Variants in TAF10 observed in about 807,000 individuals in gnomAD.
TAF10 encodes the protein transcription initiation factor TFIID subunit 10.
TAF10 carries 2 observed loss-of-function variants against 18.1 expected under a neutral mutation model. The ratio of observed to expected loss-of-function variants is 0.11; its 90% confidence interval spans 0.05 to 0.35. The LOEUF (loss-of-function observed/expected upper bound fraction) is 0.35. TAF10 is among the 10% of genes least tolerant of loss of function. The pLI, the probability that TAF10 is intolerant of heterozygous loss-of-function variation, is 1.00. For missense variants in TAF10, 293 were observed against 306.9 expected, an observed-to-expected ratio of 0.95 and a Z score of 0.34; for synonymous variants, 158 against 134.6, an observed-to-expected ratio of 1.17 and a Z score of -1.20.
At position 6,608,931 on chromosome 11, in the gene TAF10, G is replaced by A; in HGVS notation, c.*1991C>T. ...GAATCTCAACCGTATTCCATACAAG[G>A]ACACATTCTGGAAGGGGACCACCCG... On this transcript the variant is annotated 3_prime_UTR_variant, in exon 5 of 5. Coordinates refer to ENST00000299424, the MANE Select transcript of TAF10 (RefSeq NM_006284.4). This position sits in a 1 kb window ranked among gnomAD's most constrained non-coding sequence, Gnocchi z 4.9. 1.2e-6 allele frequency: 2 copies of A among 1,614,222 alleles called. No homozygotes were observed. Among genetic ancestry groups the A allele is most frequent in the South Asian group, 1.1e-5 (1 of 91,086 alleles).
At position 6,608,163 on chromosome 11, in the gene TAF10, C is replaced by G. The variant is rs751471922; in HGVS notation, c.*2759G>C. 3 of 1,614,114 alleles carry G rather than the reference C, an allele frequency of 1.9e-6. No individual in the cohort carries two copies. Among genetic ancestry groups the G allele is most frequent in the Admixed American group, 1.7e-5 (1 of 60,024 alleles). The stretch of plus-strand genomic sequence containing the variant: ...ATGTAATGAACCGTGGGGATGACAC[C>G]CCCCTGCATCTGGCAGCCAGTCATG... On this transcript the variant is annotated 3_prime_UTR_variant, in exon 5 of 5. Coordinates refer to ENST00000299424, the MANE Select transcript of TAF10 (RefSeq NM_006284.4). The surrounding 1 kb of genome is among the most constrained non-coding windows in gnomAD (Gnocchi z 4.9).
Position 6,611,702 on chromosome 11 carries a change from C to T in TAF10, c.349G>A (p.Val117Met). The change falls in exon 2 of 5, where the codon GTG becomes ATG. Residue 117 changes from valine (V) to methionine (M), a missense_variant. Transcript: ENST00000299424. ...VKPVVSSTPL[V>M]DFLMQLEDYT... is the part of the protein sequence containing the mutation. ...TCTTCCAGCTGCATCAAGAAGTCCA[C>T]CAAAGGCGTGCTGGACACCACGGGC... The T allele has an allele frequency of 1.9e-6, 3 of 1,608,136 alleles. No individual in the cohort carries two copies. Among genetic ancestry groups the T allele is most frequent in the South Asian group, 2.2e-5 (2 of 90,446 alleles).
rs1027645432 is a variant in TAF10 at position 6,607,962 on chromosome 11, A to C, written c.*2960T>G. 2.9e-6 allele frequency: 4 copies of C among 1,386,782 alleles called. No homozygotes were observed. In the African/African-American group the frequency reaches 5.7e-5, roughly 20 times the overall value. 85.9% of individuals were successfully genotyped at this position (1,386,782 alleles called of 1,614,324 possible). A position where few individuals can be genotyped will look rare whatever the true frequency, so the allele number is the denominator to read the frequency against. On this transcript the variant is annotated 3_prime_UTR_variant, in exon 5 of 5. Coordinates refer to ENST00000299424, the MANE Select transcript of TAF10 (RefSeq NM_006284.4). Reference sequence around the variant, plus strand: ...CCTAGAGAGGTAAGCCTTCCCAGAGAGTATGTAATTATCAGTTTTTCAGGA... The same window carrying C: ...CCTAGAGAGGTAAGCCTTCCCAGAGCGTATGTAATTATCAGTTTTTCAGGA...
In TAF10 at chr11:6,609,192, C is replaced by A. The variant is rs1275052976; in HGVS notation, c.*1730G>T. The A allele has an allele frequency of 1.3e-6, 2 of 1,599,302 alleles. No homozygotes were observed. The highest frequency in any genetic ancestry group is 1.7e-6 in the Non-Finnish European group (2 of 1,166,586). On this transcript the variant is annotated 3_prime_UTR_variant, in exon 5 of 5. Transcript: ENST00000299424. ...CCCTTCTTGCCCTTCCCTCACTAAA[C>A]CCCCATAAATTACTTGCTTTGTACC...
Position 6,609,278 on chromosome 11 carries a change from T to C in TAF10, c.*1644A>G. The C allele has an allele frequency of 6.2e-7, 1 of 1,612,142 alleles. No individual in the cohort carries two copies. Among genetic ancestry groups the C allele is most frequent in the Non-Finnish European group, 8.5e-7 (1 of 1,178,214 alleles). On this transcript the variant is annotated 3_prime_UTR_variant, in exon 5 of 5. Coordinates refer to ENST00000299424, the MANE Select transcript of TAF10 (RefSeq NM_006284.4). The stretch of plus-strand genomic sequence containing the variant: ...AGTGGCAGCAACATTTCAAGCCTCC[T>C]AACCCCTACCTGTCCTGCAGCTATG...
intron 1 of TAF10, 40 bp from the exon 2 acceptor site, chr11:6,611,858 G>A (rs1442300328): frequency 3.1e-6 from 5 of 1,588,402 alleles, no homozygotes; most frequent in Non-Finnish European, 4.3e-6. Context: ...GAGGTGGGAG[G>A]CGCAGGGCCC....
At position 6,609,561 on chromosome 11, in the gene TAF10, C is replaced by G; in HGVS notation, c.*1361G>C. 6.2e-7 allele frequency: 1 copy of G among 1,614,108 alleles called. No homozygotes were observed. The highest frequency in any genetic ancestry group is 8.5e-7 in the Non-Finnish European group (1 of 1,179,992). On this transcript the variant is annotated 3_prime_UTR_variant, in exon 5 of 5. Transcript: ENST00000299424. ...CCCAGTGCTAGGTGCCTGCCAGTCT[C>G]CACCTGCTCCTCATCCTACTCTCAT...
Position 6,611,985 on chromosome 11 carries a change from C to T in TAF10, c.205G>A (p.Gly69Arg), listed in dbSNP as rs756858757. 3.2e-6 allele frequency: 5 copies of T among 1,557,164 alleles called. No homozygotes were observed. The East Asian group carries it at 1.2e-4, about 37-fold the overall frequency. The change falls in exon 1 of 5, where the codon GGG (glycine) becomes AGG (arginine). Residue 69 changes from glycine (G) to arginine (R), a missense_variant. Transcript: ENST00000299424. ...GCCCCACGCCGCTCAGCTGGCTCCCCGGCCCGCGCCGCCAAGGGTCCCGTG... is the reference window on the plus strand; with the variant it reads ...GCCCCACGCCGCTCAGCTGGCTCCCTGGCCCGCGCCGCCAAGGGTCCCGTG... The part of the protein sequence containing the change: ...GGTGPLAARA[G>R]EPAERRGAAP...
rs370863427 is a variant in TAF10 at position 6,610,415 on chromosome 11, C to T, written c.*507G>A. 7.4e-6 allele frequency: 12 copies of T among 1,613,900 alleles called. No individual in the cohort carries two copies. The highest frequency in any genetic ancestry group is 2.7e-5 in the African/African-American group (2 of 74,926). On this transcript the variant is annotated 3_prime_UTR_variant, in exon 5 of 5. Transcript: ENST00000299424. ...CCCAAGGGCCAGTGGCTTCTCTCTA[C>T]ATGACAGACTCAAATTGTGAGGCTG...
Position 6,611,178 on chromosome 11 carries a change from T to G in TAF10, c.567+11A>C. 1 of 1,612,398 alleles carries G rather than the reference T, an allele frequency of 6.2e-7. No homozygotes were observed. The highest frequency in any genetic ancestry group is 8.5e-7 in the Non-Finnish European group (1 of 1,178,466). Reference sequence around the variant, plus strand: ...AAGGTAATTACTGATTCATTAAGCCTCCCCTCACACCTTGCTCTTGCTCCG... The same window carrying G: ...AAGGTAATTACTGATTCATTAAGCCGCCCCTCACACCTTGCTCTTGCTCCG... On this transcript the variant is annotated intron_variant, in intron 4 of 4. Coordinates refer to ENST00000299424, the MANE Select transcript of TAF10 (RefSeq NM_006284.4).
chr11:6,611,534 C>T (rs1287339028), intron 2 of TAF10, 82 bp from the exon 3 acceptor site: 1 of 1,601,092 alleles, frequency 6.2e-7, no homozygotes, highest in African/African-American at 1.3e-5. Flanking sequence ...AGGAAGCTCA[C>T]AGTTTGGGTG....
rs199790448 is a variant in TAF10 at position 6,608,901 on chromosome 11, G to A, written c.*2021C>T. The stretch of plus-strand genomic sequence containing the variant: ...TTCCCTAGAGCGGGCAGAGAAGATG[G>A]GCCAGAATCTCAACCGTATTCCATA... On this transcript the variant is annotated 3_prime_UTR_variant, in exon 5 of 5. Transcript: ENST00000299424. This position sits in a 1 kb window ranked among gnomAD's most constrained non-coding sequence, Gnocchi z 4.9. The A allele has an allele frequency of 1.7e-4, 272 of 1,614,062 alleles. No individual in the cohort carries two copies. The highest frequency in any genetic ancestry group is 2.3e-4 in the Non-Finnish European group (268 of 1,180,040).
In TAF10 at chr11:6,612,038, C is replaced by T. The variant is rs1455138766; in HGVS notation, c.152G>A (p.Gly51Glu). Residue 51 changes from glycine (G) to glutamate (E), a missense_variant, in exon 1 of 5, where the codon GGA becomes GAA. Gly to Glu is a moderately conservative substitution (Grantham distance 98). Transcript: ENST00000299424. ...NKASPAGTAG[G>E]PGAGAAAGGT... ...CCCAGCAGCTGCTCCAGCCCCAGGT[C>T]CCCCCGCTGTCCCCGCGGGGCTGGC... 4.0e-6 allele frequency: 6 copies of T among 1,487,986 alleles called. No individual in the cohort carries two copies. The highest frequency in any genetic ancestry group is 3.5e-6 in the Non-Finnish European group (4 of 1,127,898). The allele number at this position is 1,487,986 out of a possible 1,614,324, so 92.2% of individuals were successfully genotyped here.
chr11:6,610,542 T>G lies in TAF10; in HGVS notation c.*380A>C. 1 of 1,614,210 alleles carries G rather than the reference T, an allele frequency of 6.2e-7. No individual in the cohort carries two copies. The highest frequency in any genetic ancestry group is 1.1e-5 in the South Asian group (1 of 91,084). ...GTAAGCTCATGAAGATCTGCATGAA[T>G]GAAGACCCTGCAAAGCGACCCAAAT... On this transcript the variant is annotated 3_prime_UTR_variant, in exon 5 of 5. Transcript: ENST00000299424.
Position 6,610,510 on chromosome 11 carries a change from C to T in TAF10, c.*412G>A, listed in dbSNP as rs1554900107. The T allele has an allele frequency of 2.5e-6, 4 of 1,614,212 alleles. No individual in the cohort carries two copies. Among genetic ancestry groups the T allele is most frequent in the Non-Finnish European group, 3.4e-6 (4 of 1,180,020 alleles). ...TACCATCCCACCAGGTATTTCCCCT[C>T]ATGTGTGTAAGCTCATGAAGATCTG... On this transcript the variant is annotated 3_prime_UTR_variant, in exon 5 of 5. Coordinates refer to ENST00000299424, the MANE Select transcript of TAF10 (RefSeq NM_006284.4).
In TAF10 at chr11:6,606,687, A is replaced by T. The variant is rs1275661453; in HGVS notation, c.*4235T>A. On this transcript the variant is annotated 3_prime_UTR_variant, in exon 5 of 5. Coordinates refer to ENST00000299424, the MANE Select transcript of TAF10 (RefSeq NM_006284.4). ...AAGTATGGGGGCCAAAGTTGGCTATATGCTGGATATGAAGAGGGGGTTAAT... is the reference window on the plus strand; with the variant it reads ...AAGTATGGGGGCCAAAGTTGGCTATTTGCTGGATATGAAGAGGGGGTTAAT... 3 of 152,250 alleles carry T rather than the reference A, an allele frequency of 2.0e-5. No individual in the cohort carries two copies. The highest frequency in any genetic ancestry group is 2.0e-4 in the Admixed American group (3 of 15,286). 9.4% of individuals were successfully genotyped at this position (152,250 alleles called of 1,614,324 possible).
intron 1 of TAF10, 23 bp downstream of exon 1, chr11:6,611,934 GC>G: frequency 1.3e-6 from 2 of 1,574,588 alleles, no homozygotes; most frequent in Non-Finnish European, 8.6e-7. Flanking sequence ...CGCTTCCCTC[GC>G]CCTCACCCGT....
In TAF10 at chr11:6,608,101, G is replaced by A. The variant is rs1855112350; in HGVS notation, c.*2821C>T. The stretch of plus-strand genomic sequence containing the variant: ...GGCCTGCCGAGAGGGCCGCTCTGCT[G>A]TGGTTGAGATGTTGATCATGCGGGG... On this transcript the variant is annotated 3_prime_UTR_variant, in exon 5 of 5. Transcript: ENST00000299424. This position sits in a 1 kb window ranked among gnomAD's most constrained non-coding sequence, Gnocchi z 4.9. 6.2e-7 allele frequency: 1 copy of A among 1,614,176 alleles called. No individual in the cohort carries two copies. The highest frequency in any genetic ancestry group is 1.1e-5 in the South Asian group (1 of 91,084).
rs1176547292 is a variant in TAF10 at position 6,609,143 on chromosome 11, A to G, written c.*1779T>C. 1 of 1,614,032 alleles carries G rather than the reference A, an allele frequency of 6.2e-7. No homozygotes were observed. The highest frequency in any genetic ancestry group is 1.7e-5 in the Admixed American group (1 of 60,026). ...AACTTCCTGACGAAGCTCAACGAGA[A>G]TCACTCTGGAGAGGTGACCCCTGCC... is the stretch of plus-strand genomic sequence containing the variant. On this transcript the variant is annotated 3_prime_UTR_variant, in exon 5 of 5. Coordinates refer to ENST00000299424, the MANE Select transcript of TAF10 (RefSeq NM_006284.4).
Sources: gnomAD v4.1 joint callset for allele counts on GRCh38, gnomAD v4.1.1 for gene constraint, Gnocchi (gnomAD v3.1) non-coding constraint, MANE v1.5 for transcripts, NCBI Gene and HGNC (gene_info 2026-07-23, HGNC 2026-07-21) for gene names.